The following KCNJ10 variants were observed in gnomAD, a reference collection of about 807,000 sequenced individuals.
The protein encoded by KCNJ10 is potassium inwardly rectifying channel subfamily J member 10, also known as ATP-sensitive inward rectifier potassium channel 10.
In KCNJ10, 9 loss-of-function variants were observed where a neutral mutation model predicts 22.2. The ratio of observed to expected loss-of-function variants is 0.40; its 90% CI spans 0.24 to 0.71. The LOEUF is 0.71. Ranked by LOEUF, KCNJ10 falls within the 30% of genes least tolerant of loss-of-function variation. KCNJ10 has a pLI of 0.35. For missense variants in KCNJ10, 337 were observed against 482.7 expected, an observed-to-expected ratio of 0.70 and a Z score of 2.83; for synonymous variants, 184 against 187.3, an observed-to-expected ratio of 0.98 and a Z score of 0.15.
chr1:160,041,299 C>G lies in KCNJ10; in HGVS notation c.*94G>C. On this transcript the variant is annotated 3_prime_UTR_variant, in exon 2 of 2. Transcript: ENST00000644903. This position sits in a 1 kb window ranked among gnomAD's most constrained non-coding sequence, Gnocchi z 4.4. ...AAGAGGGAGTGGAGGATGGGTGCTT[C>G]GGGGGATCTCCAGTAAACCCGGGTA... The G allele has an allele frequency of 7.8e-7, 1 of 1,279,228 alleles. No homozygotes were observed. Among genetic ancestry groups the G allele is most frequent in the South Asian group, 1.3e-5 (1 of 78,138 alleles). The allele number at this position is 1,279,228 out of a possible 1,614,324, so 79.2% of individuals were successfully genotyped here.
chr1:160,062,262 G>C (rs973500590), intron 1 of KCNJ10, among the ~76,000 whole-genome samples: 3 of 152,230 alleles, frequency 2.0e-5, no homozygotes, highest in Admixed American at 1.3e-4. Flanking sequence ...GGGGCGAAGG[G>C]GGGGTGGTGG....
intron 1 of KCNJ10, among the ~76,000 whole-genome samples, chr1:160,057,371 C>T (rs1649066720): frequency 6.6e-6 from 1 of 152,222 alleles, no homozygotes; most frequent in African/African-American, 2.4e-5. Context: ...GCTCAAGTTA[C>T]ACCATCCCTT....
chr1:160,041,938 G>A lies in KCNJ10; in HGVS notation c.595C>T (p.Arg199Ter), dbSNP rs137853067. ...SHNGKPCLMI[R>*]VANMRKSLLI... ...AGGCTTTTGCGCATATTGGCAACTC[G>A]GATCATGAGGCAGGGCTTGCCATTG... Residue 199 changes from arginine (R) to a stop codon, truncating the protein, a stop_gained, in exon 2 of 2, where the codon CGA becomes TGA. Coordinates refer to ENST00000644903, the MANE Select transcript of KCNJ10 (RefSeq NM_002241.5). LOFTEE classifies it high-confidence loss of function. This position sits in a 1 kb window ranked among gnomAD's most constrained non-coding sequence, Gnocchi z 4.4. The A allele has an allele frequency of 1.2e-6, 2 of 1,612,476 alleles. No individual in the cohort carries two copies. Among genetic ancestry groups the A allele is most frequent in the Non-Finnish European group, 1.7e-6 (2 of 1,178,794 alleles).
chr1:160,052,366 CCCAGAT>C (rs1181074248), intron 1 of KCNJ10, among the ~76,000 whole-genome samples: 2 of 152,174 alleles, frequency 1.3e-5, no homozygotes, highest in Non-Finnish European at 2.9e-5. Context: ...GCTCAAGAAC[CCCAGAT>C]CCAGCTCTGT....
At chr1:160,052,669 G>A (rs1648931840) in intron 1 of KCNJ10, among the ~76,000 whole-genome samples, 1 of 152,184 alleles carries the variant, frequency 6.6e-6, no homozygotes, top group Non-Finnish European at 1.5e-5. Context: ...AGCACTGCTT[G>A]GTGGAACATG....
At chr1:160,046,413 T>C (rs1463895717) in intron 1 of KCNJ10, among the ~76,000 whole-genome samples, 1 of 152,200 alleles carries the variant, frequency 6.6e-6, no homozygotes, top group African/African-American at 2.4e-5. Context: ...AACTTTTTAA[T>C]TGTAGCAACT....
At chr1:160,064,503 G>A (rs967021268) in intron 1 of KCNJ10, among the ~76,000 whole-genome samples, 14 of 152,190 alleles carry the variant, frequency 9.2e-5, no homozygotes, top group East Asian at 3.9e-4. Context: ...TTAAAAATAC[G>A]TCATTTTGTT....
intron 1 of KCNJ10, among the ~76,000 whole-genome samples, chr1:160,063,208 A>T (rs1649242458): frequency 6.6e-6 from 1 of 152,130 alleles, no homozygotes; most frequent in African/African-American, 2.4e-5. Context: ...GGCTTTTCCA[A>T]GGCACCATGT....
intron 1 of KCNJ10, among the ~76,000 whole-genome samples, chr1:160,053,607 AGTGTGTGTGT>A (rs58451151): frequency 8.0e-5 from 12 of 149,144 alleles, no homozygotes; most frequent in Non-Finnish European, 1.6e-4. Context: ...AAAAGAGGGC[AGTGTGTGTGT>A]GTGTGTGTGT....
At chr1:160,067,270 A>T (rs918508077) in intron 1 of KCNJ10, among the ~76,000 whole-genome samples, 2 of 151,972 alleles carry the variant, frequency 1.3e-5, no homozygotes, top group Non-Finnish European at 2.9e-5. Flanking sequence ...CAAGGTTCTG[A>T]TGGGGGAGGG....
chr1:160,067,777 A>G lies in KCNJ10; in HGVS notation c.-1+2245T>C, dbSNP rs1456330535. On this transcript the variant is annotated intron_variant, in intron 1 of 1. Coordinates refer to ENST00000644903, the MANE Select transcript of KCNJ10 (RefSeq NM_002241.5). ...CTATCTTTCCATCTTGTGTGCAGAAACCAAGAGTTTTACCAGGAGGCTCAG... is the reference window on the plus strand; with the variant it reads ...CTATCTTTCCATCTTGTGTGCAGAAGCCAAGAGTTTTACCAGGAGGCTCAG... 6 of 152,260 alleles carry G rather than the reference A, an allele frequency of 3.9e-5. No individual in the cohort carries two copies. In the East Asian group the frequency reaches 1.2e-3, roughly 29 times the overall value. 9.4% of individuals were successfully genotyped at this position (152,260 alleles called of 1,614,324 possible). A position where few individuals can be genotyped will look rare whatever the true frequency, so the allele number is the denominator to read the frequency against.
Position 160,066,367 on chromosome 1 carries a change from G to A in KCNJ10, c.-1+3655C>T, listed in dbSNP as rs374575385. ...TACCTTCCCAAACTCCAGAAGGGTG[G>A]GAAGAAAAAACCTAGGACAGAATCT... On this transcript the variant is annotated intron_variant, in intron 1 of 1. Transcript: ENST00000644903. 3.3e-5 allele frequency among the ~76,000 whole-genome samples: 5 copies of A among 151,956 alleles called. No homozygotes were observed. In the South Asian group the frequency reaches 1.0e-3, roughly 32 times the overall value.
chr1:160,054,530 A>G (rs1324809979), intron 1 of KCNJ10, among the ~76,000 whole-genome samples: 1 of 152,228 alleles, frequency 6.6e-6, no homozygotes, highest in African/African-American at 2.4e-5. Flanking sequence ...TCTTGTTGCT[A>G]TTGTTATTCC....
chr1:160,044,997 A>G (rs1267542059), intron 1 of KCNJ10, among the ~76,000 whole-genome samples: 1 of 152,226 alleles, frequency 6.6e-6, no homozygotes, highest in Non-Finnish European at 1.5e-5. Context: ...TGGGCAACAG[A>G]ATGAGACCCT....
chr1:160,046,595 C>T (rs1220243254), intron 1 of KCNJ10, among the ~76,000 whole-genome samples: 1 of 152,192 alleles, frequency 6.6e-6, no homozygotes, highest in African/African-American at 2.4e-5. Context: ...GTGATTGCCA[C>T]CTCCAGCTGT....
intron 1 of KCNJ10, chr1:160,063,621 C>T (rs1400512462): frequency 6.6e-6 from 1 of 152,432 alleles, no homozygotes; most frequent in South Asian, 2.1e-4. Context: ...GTCTTAGGAC[C>T]TTGCTCCTCC....
In KCNJ10 at chr1:160,054,098, G is replaced by A. The variant is rs144423235; in HGVS notation, c.1-11566C>T. Among the ~76,000 whole-genome samples the A allele has an allele frequency of 1.2e-4, 19 of 152,290 alleles. No individual in the cohort carries two copies. The East Asian group carries it at 1.9e-3, about 15-fold the overall frequency. ...TGGCATCTTGGGGACCCCCTGTTTCGCCGGCTGGAGAGGGAGGAGGACTTC... is the reference window on the plus strand; with the variant it reads ...TGGCATCTTGGGGACCCCCTGTTTCACCGGCTGGAGAGGGAGGAGGACTTC... On this transcript the variant is annotated intron_variant, in intron 1 of 1. Transcript: ENST00000644903.
At chr1:160,047,880 A>G (rs942164759) in intron 1 of KCNJ10, among the ~76,000 whole-genome samples, 5 of 152,180 alleles carry the variant, frequency 3.3e-5, no homozygotes, top group Non-Finnish European at 7.3e-5. Flanking sequence ...AGCTGGCACT[A>G]TAGGCATGTG....
intron 1 of KCNJ10, among the ~76,000 whole-genome samples, chr1:160,049,273 G>A (rs1022535040): frequency 6.6e-6 from 1 of 152,024 alleles, no homozygotes; most frequent in African/African-American, 2.4e-5. Context: ...AAGGCCTTCC[G>A]CAGTCTGCTT....
Sources: gnomAD v4.1 joint callset for allele counts (sites outside exome capture counted in the v4.1 genomes callset) on GRCh38, gnomAD v4.1.1 for gene constraint, Gnocchi (gnomAD v3.1) non-coding constraint, MANE v1.5 for transcripts, NCBI Gene and HGNC (gene_info 2026-07-23, HGNC 2026-07-21) for gene names.